The following ORC4 variants were observed in gnomAD, a reference collection of about 807,000 sequenced individuals.
The protein encoded by ORC4 is origin recognition complex subunit 4.
A neutral mutation model predicts 63.9 loss-of-function variants in ORC4; 55 were observed. That is an observed-to-expected ratio of 0.86 (90% CI 0.69 to 1.08). The LOEUF (loss-of-function observed/expected upper bound fraction) is 1.08, where lower values mean the gene tolerates loss of function less well. Among genes scored for constraint, ORC4 ranks in the 50% least tolerant of loss-of-function variants. The pLI is 0.00. For missense variants in ORC4, 511 were observed against 504.4 expected (o/e 1.01, Z -0.13); for synonymous variants, 150 against 168.5 (o/e 0.89, Z 0.85).
At chr2:147,974,722 A>C (rs1165237661) in intron 2 of ORC4, among the ~76,000 whole-genome samples, 5 of 151,874 alleles carry the variant, frequency 3.3e-5, no homozygotes, top group Non-Finnish European at 5.9e-5. Context: ...AAAAATACAT[A>C]AAAGAACATA....
chr2:147,959,303 C>T (rs974252416), intron 4 of ORC4, among the ~76,000 whole-genome samples: 1 of 151,958 alleles, frequency 6.6e-6, no homozygotes, highest in African/African-American at 2.4e-5. Context: ...TTTTAAATAA[C>T]ATTGTATTGC....
intron 4 of ORC4, among the ~76,000 whole-genome samples, chr2:147,959,847 T>C (rs1689484922): frequency 6.6e-6 from 1 of 152,084 alleles, no homozygotes; most frequent in Non-Finnish European, 1.5e-5. Flanking sequence ...TGACATTTAA[T>C]GAGAAGTGAC....
rs1384927046 is a variant in ORC4, at chr2:147,935,176, T to C, written c.*334A>G. 1 of 265,950 alleles carries C rather than the reference T, an allele frequency of 3.8e-6. No homozygotes were observed. The highest frequency in any genetic ancestry group is 7.3e-6 in the Non-Finnish European group (1 of 136,986). The allele number at this position is 265,950 out of a possible 1,614,324, so 16.5% of individuals were successfully genotyped here. A position where few individuals can be genotyped will look rare whatever the true frequency, so the allele number is the denominator to read the frequency against. Reference sequence around the variant, plus strand: ...TTTTTTTTACTCCTTTGGTTTAAGGTTTGTAAAGACATCTAGCTGTTAGGT... The same window carrying C: ...TTTTTTTTACTCCTTTGGTTTAAGGCTTGTAAAGACATCTAGCTGTTAGGT... On this transcript the variant is annotated 3_prime_UTR_variant, in exon 14 of 14. Transcript: ENST00000392857.
At position 147,935,477 on chromosome 2, in the gene ORC4, A is replaced by T; in HGVS notation, c.*33T>A. ...TTTTCCGTTCTCTACAGAAGTATGA[A>T]TGAAATGCCAAAGTTGAAGTCACTG... On this transcript the variant is annotated 3_prime_UTR_variant, in exon 14 of 14. Transcript: ENST00000392857. 6.5e-7 allele frequency: 1 copy of T among 1,537,760 alleles called. No individual in the cohort carries two copies. The highest frequency in any genetic ancestry group is 9.0e-7 in the Non-Finnish European group (1 of 1,110,708).
chr2:147,973,428 A>G lies in ORC4; in HGVS notation c.134+20T>C. 6.8e-7 allele frequency: 1 copy of G among 1,471,446 alleles called. No homozygotes were observed. The highest frequency in any genetic ancestry group is 9.5e-7 in the Non-Finnish European group (1 of 1,050,280). The allele number at this position is 1,471,446 out of a possible 1,614,324, so 91.1% of individuals were successfully genotyped here. ...ATCTGTAAGTAGGTCCATAACAGTC[A>G]AGAGGACAGCTAGACTTACTTGTAT... On this transcript the variant is annotated intron_variant, in intron 3 of 13. Coordinates refer to ENST00000392857, the MANE Select transcript of ORC4 (RefSeq NM_181741.4).
intron 7 of ORC4, among the ~76,000 whole-genome samples, chr2:147,955,060 C>T (rs1689168670): frequency 1.3e-5 from 2 of 151,782 alleles, no homozygotes; most frequent in Non-Finnish European, 2.9e-5. Flanking sequence ...AATCTTATTA[C>T]AAAATAGGTA....
intron 1 of ORC4, among the ~76,000 whole-genome samples, chr2:147,992,308 G>A (rs1484077436): frequency 1.3e-5 from 2 of 152,088 alleles, no homozygotes; most frequent in South Asian, 2.1e-4. Context: ...CTGTCAACTA[G>A]GGCAGTGGCA....
intron 9 of ORC4, among the ~76,000 whole-genome samples, chr2:147,944,809 T>C (rs1010594846): frequency 6.6e-6 from 1 of 151,968 alleles, no homozygotes; most frequent in African/African-American, 2.4e-5. Context: ...TAAGTTCTAG[T>C]CTACTGGAAT....
chr2:147,967,928 T>A (rs1381882913), intron 4 of ORC4, among the ~76,000 whole-genome samples: 1 of 152,062 alleles, frequency 6.6e-6, no homozygotes, highest in Admixed American at 6.6e-5. Flanking sequence ...CAAAACAGCA[T>A]GGTACTGGCA....
At chr2:147,959,050 A>C (rs1689428304) in intron 4 of ORC4, among the ~76,000 whole-genome samples, 184 bp from the exon 5 acceptor site, 4 of 152,066 alleles carry the variant, frequency 2.6e-5, no homozygotes. Context: ...CTTTTTAAGA[A>C]ACAAGAGCCA....
chr2:147,960,617 C>CTA (rs34510934), intron 4 of ORC4, among the ~76,000 whole-genome samples: 50,078 of 151,962 alleles, frequency 0.33, 8,493 homozygotes, highest in East Asian at 0.52. Flanking sequence ...TGCTCACCAA[C>CTA]TTATACTATT....
chr2:147,951,761 A>C (rs1688971276), intron 8 of ORC4: 1 of 152,384 alleles, frequency 6.6e-6, no homozygotes, highest in South Asian at 2.1e-4. Context: ...GTAAGTTAAT[A>C]CTACATGCGT....
At chr2:147,958,592 C>T (rs1689398829) in intron 5 of ORC4, 199 bp downstream of exon 5, 6 of 570,306 alleles carry the variant, frequency 1.1e-5, no homozygotes, top group Middle Eastern at 9.3e-4. Context: ...AACCAAAAAA[C>T]CCACAAAAAC....
At chr2:148,014,797 C>T (rs891663159) in intron 1 of ORC4, among the ~76,000 whole-genome samples, 3 of 151,910 alleles carry the variant, frequency 2.0e-5, no homozygotes, top group Admixed American at 1.3e-4. Flanking sequence ...ATTTAAAATA[C>T]GTGGGAGGAT....
rs1057482858 is a variant in ORC4 at position 148,009,270 on chromosome 2, GAAC to G, written c.-18+11360_-18+11362del. 9.7e-4 allele frequency among the ~76,000 whole-genome samples: 148 copies of G among 151,916 alleles called. 3 individuals carry two copies. Among genetic ancestry groups the G allele is most frequent in the Non-Finnish European group, 2.1e-4 (14 of 67,930 alleles). On this transcript the variant is annotated intron_variant, in intron 1 of 13. Coordinates refer to ENST00000392857, the MANE Select transcript of ORC4 (RefSeq NM_181741.4). ...GGGGAAAAGCCCTAGAAAATAACCA[GAAC>G]AACAATAAAAAGGCAGTAGTAAGTC...
At position 147,948,062 on chromosome 2, in the gene ORC4, C is replaced by T; in HGVS notation, c.751G>A (p.Glu251Lys). 6.2e-7 allele frequency: 1 copy of T among 1,611,122 alleles called. No homozygotes were observed. Among genetic ancestry groups the T allele is most frequent in the Non-Finnish European group, 8.5e-7 (1 of 1,177,622 alleles). The change falls in exon 9 of 14, where the codon GAA becomes AAA. Residue 251 changes from glutamate (E) to lysine (K), a missense_variant. Coordinates refer to ENST00000392857, the MANE Select transcript of ORC4 (RefSeq NM_181741.4). ...PDKVFAEKWN[E>K]NVQYLSEDRS... is the part of the protein sequence containing the mutation. ...GCCTTTTAAGATACCTGAACATTTT[C>T]ATTCCACTTCTCAGCAAAAACCTTG...
At chr2:147,941,759 T>G (rs1688376205) in intron 10 of ORC4, among the ~76,000 whole-genome samples, 1 of 151,912 alleles carries the variant, frequency 6.6e-6, no homozygotes, top group Non-Finnish European at 1.5e-5. Context: ...TTTTCCCAGA[T>G]GGAGATGTGT....
intron 7 of ORC4, among the ~76,000 whole-genome samples, chr2:147,953,327 T>C (rs1689067691): frequency 6.6e-6 from 1 of 152,160 alleles, no homozygotes; most frequent in South Asian, 2.1e-4. Context: ...AAGTGCAGTC[T>C]AGTTCCTAGA....
chr2:147,948,966 C>T (rs1688802277), intron 8 of ORC4, among the ~76,000 whole-genome samples: 1 of 147,698 alleles, frequency 6.8e-6, no homozygotes, highest in Non-Finnish European at 1.5e-5. Context: ...TGAACTTGAG[C>T]AATTTTTCAA....
Sources: gnomAD v4.1 joint callset for allele counts (sites outside exome capture counted in the v4.1 genomes callset) on GRCh38, gnomAD v4.1.1 for gene constraint, MANE v1.5 for transcripts, NCBI Gene and HGNC (gene_info 2026-07-23, HGNC 2026-07-21) for gene names.